The following VPS13C variants were observed in gnomAD, a reference collection of about 807,000 sequenced individuals.
VPS13C encodes intermembrane lipid transfer protein VPS13C.
In VPS13C, 358 loss-of-function variants were observed where a neutral mutation model predicts 456.8. The observed-to-expected ratio is 0.78, with a 90% CI of 0.72 to 0.86. The LOEUF is 0.86. VPS13C is among the 40% of genes least tolerant of loss of function. The probability of loss-of-function intolerance (pLI) is 0.00; values close to 1 mark genes in which losing one functional copy is unlikely to be tolerated. For synonymous variants in VPS13C, 1,578 were observed against 1,486.7 expected (o/e 1.06, Z -1.41); for missense variants, 4,818 against 4,385.4 (o/e 1.10, Z -2.79).
chr15:61,931,585 T>TC (rs1335410061), intron 49 of VPS13C, among the ~76,000 whole-genome samples: 3 of 151,058 alleles, frequency 2.0e-5, no homozygotes, highest in African/African-American at 7.3e-5. Context: ...TTTTCTTTTT[T>TC]TTTTTTTTTT....
chr15:61,954,537 G>A lies in VPS13C; in HGVS notation c.4183C>T (p.Leu1395Phe), dbSNP rs1393917275. The A allele has an allele frequency of 1.3e-6, 2 of 1,578,392 alleles. No homozygotes were observed. The highest frequency in any genetic ancestry group is 1.4e-5 in the African/African-American group (1 of 72,714). The change falls in exon 38 of 85, where the codon CTT becomes TTT. Residue 1395 changes from leucine to phenylalanine, a missense_variant. Leu to Phe is a conservative substitution (Grantham distance 22). Around this residue, in one of 3 missense-constraint regions of VPS13C, gnomAD observed 4,552 missense variants for 4,130.6 expected, o/e 1.10. Coordinates refer to ENST00000644861, the MANE Select transcript of VPS13C (RefSeq NM_020821.3). ...ACATCTTGTGATATAGAGATTTCAA[G>A]GGGCTCTTTAATTTCACCTGAAATG... is the stretch of plus-strand genomic sequence containing the variant. ...VQETGEIKEP[L>F]EISISQDVHD...
Position 61,908,303 on chromosome 15 carries a change from T to G in VPS13C, c.8978+689A>C, listed in dbSNP as rs963375594. On this transcript the variant is annotated intron_variant, in intron 65 of 84. Transcript: ENST00000644861. Reference sequence around the variant, plus strand: ...TAGGGAAATCTTTAACAAATTTACATATATACATACATTTATATGTGTGTA... The same window carrying G: ...TAGGGAAATCTTTAACAAATTTACAGATATACATACATTTATATGTGTGTA... Among the ~76,000 whole-genome samples, 3 of 152,010 alleles carry G rather than the reference T, an allele frequency of 2.0e-5. No individual in the cohort carries two copies. In the East Asian group the frequency reaches 5.8e-4, roughly 29 times the overall value.
intron 12 of VPS13C, among the ~76,000 whole-genome samples, chr15:62,010,978 T>C (rs1328559765): frequency 6.6e-6 from 1 of 152,168 alleles, no homozygotes; most frequent in Non-Finnish European, 1.5e-5. Flanking sequence ...AAATAAGATC[T>C]GATAAATTTG....
At chr15:61,914,819 G>A (rs1224643920) in intron 61 of VPS13C, among the ~76,000 whole-genome samples, 6 of 138,058 alleles carry the variant, frequency 4.3e-5, no homozygotes, top group South Asian at 2.3e-4. Flanking sequence ...CCTCAGCCTC[G>A]CAAAGTGCTG....
In VPS13C at chr15:61,927,193, C is replaced by T; in HGVS notation, c.6414G>A (p.Leu2138=). 6.2e-7 allele frequency: 1 copy of T among 1,614,104 alleles called. No homozygotes were observed. Among genetic ancestry groups the T allele is most frequent in the Non-Finnish European group, 8.5e-7 (1 of 1,180,012 alleles). The change falls in exon 52 of 85, where the codon CTG becomes CTA. Residue 2138 remains leucine (L), a synonymous_variant. Transcript: ENST00000644861. ...TCATCTGTTCGAGTTTGGATGTTGA[C>T]AGAGAAAGGTTGCACTGAAACGAGG... ...LTASFQCNLS[L]STSKLEQMME... is the part of the protein sequence containing the mutation.
chr15:61,885,286 ACAT>A, intron 67 of VPS13C, among the ~76,000 whole-genome samples: 1 of 152,242 alleles, frequency 6.6e-6, no homozygotes, highest in Non-Finnish European at 1.5e-5. Context: ...TCATTAAAAA[ACAT>A]CATCAATTCT....
intron 22 of VPS13C, among the ~76,000 whole-genome samples, chr15:61,979,811 G>A (rs1349084274): frequency 6.6e-6 from 1 of 152,098 alleles, no homozygotes; most frequent in Non-Finnish European, 1.5e-5. Context: ...CTACAGACAA[G>A]GGTAGAGCTT....
chr15:61,917,704 C>T (rs1273079362), intron 59 of VPS13C, 69 bp from the exon 60 acceptor site: 12 of 1,498,496 alleles, frequency 8.0e-6, no homozygotes, highest in Non-Finnish European at 1.1e-5. Flanking sequence ...CTCATTAAAT[C>T]TTCCTGACAA....
chr15:61,860,889 C>T (rs772464639), intron 82 of VPS13C, among the ~76,000 whole-genome samples: 5 of 150,164 alleles, frequency 3.3e-5, no homozygotes, highest in African/African-American at 4.9e-5. Context: ...AGGGACAAAA[C>T]GTGCAAGCAA....
intron 4 of VPS13C, among the ~76,000 whole-genome samples, chr15:62,033,951 G>T (rs1391902514): frequency 6.6e-6 from 1 of 150,860 alleles, no homozygotes; most frequent in Admixed American, 6.6e-5. Context: ...GAGTAATTCG[G>T]AATACATATC....
chr15:61,893,703 A>C (rs963195002), intron 66 of VPS13C, among the ~76,000 whole-genome samples: 1 of 151,870 alleles, frequency 6.6e-6, no homozygotes, highest in African/African-American at 2.4e-5. Context: ...AATACAAAAA[A>C]GATATAAATT....
chr15:61,950,291 G>T, intron 41 of VPS13C, 67 bp downstream of exon 41: 1 of 1,180,166 alleles, frequency 8.5e-7, no homozygotes, highest in Non-Finnish European at 1.3e-6. Context: ...TCTCACAGTT[G>T]AAAATGGCTA....
chr15:62,057,211 CAAA>C lies in VPS13C; in HGVS notation c.100+3061_100+3063del, dbSNP rs1218790823. 1.9e-3 allele frequency among the ~76,000 whole-genome samples: 286 copies of C among 150,466 alleles called. 1 individual carries two copies. Among genetic ancestry groups the C allele is most frequent in the African/African-American group, 6.5e-3 (265 of 40,944 alleles). The stretch of plus-strand genomic sequence containing the variant: ...AGACTTGAAAATTCAACAACAACAA[CAAA>C]AAAAAAACTCTGTGAACTGTAAACC... On this transcript the variant is annotated intron_variant, in intron 1 of 84. Coordinates refer to ENST00000644861, the MANE Select transcript of VPS13C (RefSeq NM_020821.3).
intron 64 of VPS13C, 70 bp downstream of exon 64, chr15:61,910,107 C>G: frequency 3.2e-6 from 3 of 939,002 alleles, no homozygotes; most frequent in Non-Finnish European, 3.9e-6. Context: ...GCACATGTAC[C>G]CTAGAACTTA....
At chr15:61,999,657 T>G (rs754507118) in intron 16 of VPS13C, among the ~76,000 whole-genome samples, 1 of 152,106 alleles carries the variant, frequency 6.6e-6, no homozygotes, top group Non-Finnish European at 1.5e-5. Context: ...TGAGTTACAT[T>G]GCATTTGTAA....
At chr15:61,866,436 A>T (rs1304524968) in intron 81 of VPS13C, 1 of 984,398 alleles carries the variant, frequency 1.0e-6, no homozygotes, top group Non-Finnish European at 1.2e-6. Context: ...AAAACAATTA[A>T]GAAAAAATCT....
At position 62,003,072 on chromosome 15, in the gene VPS13C, T is replaced by G. The variant is rs558935373; in HGVS notation, c.1291-2446A>C. Reference sequence around the variant, plus strand: ...TTCTGTGAAGAAAGGCATTGGTAGCTTGATGGGATGGCATTGAATCTGTAA... The same window carrying G: ...TTCTGTGAAGAAAGGCATTGGTAGCGTGATGGGATGGCATTGAATCTGTAA... On this transcript the variant is annotated intron_variant, in intron 15 of 84. Transcript: ENST00000644861. Among the ~76,000 whole-genome samples, 1,415 of 152,296 alleles carry G rather than the reference T, an allele frequency of 9.3e-3. 12 individuals are homozygous for G. The highest frequency in any genetic ancestry group is 0.018 in the Admixed American group (274 of 15,294).
At chr15:61,933,706 G>A (rs1015373967) in intron 49 of VPS13C, among the ~76,000 whole-genome samples, 1 of 151,828 alleles carries the variant, frequency 6.6e-6, no homozygotes, top group Non-Finnish European at 1.5e-5. Context: ...AATCATCATG[G>A]CATAAGACCT....
At chr15:61,982,604 T>TG in intron 20 of VPS13C, 31 bp from the exon 21 acceptor site, 4 of 1,479,234 alleles carry the variant, frequency 2.7e-6, no homozygotes, top group Non-Finnish European at 3.7e-6. Context: ...CATAACCAAG[T>TG]TACACATGGT....
Sources: allele counts gnomAD v4.1 joint callset (sites outside exome capture counted in the v4.1 genomes callset), GRCh38; gene constraint gnomAD v4.1.1; regional missense constraint gnomAD v4.1.1; transcripts MANE v1.5; gene names NCBI Gene and HGNC (gene_info 2026-07-23, HGNC 2026-07-21).